The following FBXO11 variants were observed in gnomAD, a reference collection of about 807,000 sequenced individuals.
FBXO11 encodes F-box protein 11, also known as F-box only protein 11.
In FBXO11, 13 loss-of-function variants were observed where a neutral mutation model predicts 117.0. The observed-to-expected ratio is 0.11, with a 90% CI of 0.07 to 0.18. The LOEUF is 0.18. Ranked by LOEUF, FBXO11 falls within the 10% of genes least tolerant of loss-of-function variation. The probability of loss-of-function intolerance (pLI) is 1.00; values close to 1 mark genes in which losing one functional copy is unlikely to be tolerated. For missense variants in FBXO11, 767 were observed against 1,164.4 expected (o/e 0.66, Z 4.97); for synonymous variants, 490 against 380.5 (o/e 1.29, Z -3.35).
chr2:47,899,683 G>A (rs1677952383), intron 1 of FBXO11, among the ~76,000 whole-genome samples: 1 of 151,868 alleles, frequency 6.6e-6, no homozygotes, highest in Non-Finnish European at 1.5e-5. Flanking sequence ...ATTTTCACAG[G>A]GTAGCAACTA....
At position 47,807,794 on chromosome 2, in the gene FBXO11, A is replaced by C; in HGVS notation, c.*324T>G. On this transcript the variant is annotated 3_prime_UTR_variant, in exon 23 of 23. Transcript: ENST00000403359. The stretch of plus-strand genomic sequence containing the variant: ...CTTGTCTATTGAAGATTACTACTGC[A>C]AATTGGACTGCATTCAATGCTAGTT... The C allele has an allele frequency of 3.7e-6, 1 of 270,070 alleles. No individual in the cohort carries two copies. Among genetic ancestry groups the C allele is most frequent in the Non-Finnish European group, 7.1e-6 (1 of 140,350 alleles). The allele number at this position is 270,070 out of a possible 1,614,324, so 16.7% of individuals were successfully genotyped here.
intron 1 of FBXO11, among the ~76,000 whole-genome samples, chr2:47,855,552 G>T (rs1674221203): frequency 6.6e-6 from 1 of 152,194 alleles, no homozygotes; most frequent in Non-Finnish European, 1.5e-5. Context: ...AAAGGAATGT[G>T]GCCAGGTGCA....
chr2:47,851,920 G>C (rs1156904617), intron 1 of FBXO11, among the ~76,000 whole-genome samples: 1 of 151,522 alleles, frequency 6.6e-6, no homozygotes, highest in Non-Finnish European at 1.5e-5. Context: ...AATACAGAAT[G>C]CTTTACAAAT....
intron 1 of FBXO11, among the ~76,000 whole-genome samples, chr2:47,881,077 A>G (rs1676394819): frequency 6.6e-6 from 1 of 152,090 alleles, no homozygotes; most frequent in Non-Finnish European, 1.5e-5. Context: ...ACATGGTGAA[A>G]CCCGTCTCTA....
intron 11 of FBXO11, among the ~76,000 whole-genome samples, chr2:47,829,399 C>G (rs1184163211): frequency 6.6e-6 from 1 of 151,988 alleles, no homozygotes; most frequent in African/African-American, 2.4e-5. Context: ...CACCAACACA[C>G]CCGGCTAATT....
chr2:47,895,122 G>C lies in FBXO11; in HGVS notation c.232+10367C>G, dbSNP rs138352271. Among the ~76,000 whole-genome samples, 896 of 152,130 alleles carry C rather than the reference G, an allele frequency of 5.9e-3. 5 individuals carry two copies. Among genetic ancestry groups the C allele is most frequent in the African/African-American group, 0.021 (854 of 41,474 alleles). ...AATATCAGCAATGATATATGCTGAGGTATAAAACTCACACGGAATGTGGCA... is the reference window on the plus strand; with the variant it reads ...AATATCAGCAATGATATATGCTGAGCTATAAAACTCACACGGAATGTGGCA... On this transcript the variant is annotated intron_variant, in intron 1 of 22. Coordinates refer to ENST00000403359, the MANE Select transcript of FBXO11 (RefSeq NM_001190274.2).
intron 18 of FBXO11, chr2:47,812,933 G>A (rs947093716): frequency 3.2e-6 from 1 of 314,516 alleles, no homozygotes; most frequent in Non-Finnish European, 6.0e-6. Flanking sequence ...ACTTGACTTT[G>A]AAGTTTATTA....
At chr2:47,884,131 A>T (rs940025675) in intron 1 of FBXO11, among the ~76,000 whole-genome samples, 4 of 152,158 alleles carry the variant, frequency 2.6e-5, no homozygotes, top group Non-Finnish European at 4.4e-5. Context: ...AGGCAGCAGA[A>T]TCACTTGAAC....
intron 11 of FBXO11, among the ~76,000 whole-genome samples, chr2:47,827,236 G>GT (rs1182692648): frequency 3.9e-5 from 6 of 152,166 alleles, no homozygotes; most frequent in Non-Finnish European, 7.4e-5. Context: ...TTGACTTATA[G>GT]TTTTATAATT....
In FBXO11 at chr2:47,870,124, T is replaced by A. The variant is rs373348710; in HGVS notation, c.233-30355A>T. On this transcript the variant is annotated intron_variant, in intron 1 of 22. Coordinates refer to ENST00000403359, the MANE Select transcript of FBXO11 (RefSeq NM_001190274.2). ...TCCAGTCAACTGCCTTCGGTGTTCA[T>A]CTGTACCATCAGCTCTCCTGAGTGT... Among the ~76,000 whole-genome samples, 7 of 152,252 alleles carry A rather than the reference T, an allele frequency of 4.6e-5. No homozygotes were observed. The South Asian group carries it at 1.4e-3, about 32-fold the overall frequency.
chr2:47,828,125 G>A (rs1415250716), intron 11 of FBXO11, among the ~76,000 whole-genome samples: 3 of 152,074 alleles, frequency 2.0e-5, no homozygotes, highest in African/African-American at 4.8e-5. Flanking sequence ...GATTATAGGC[G>A]TGTGCCACCA....
chr2:47,827,431 C>T (rs889973395), intron 11 of FBXO11, among the ~76,000 whole-genome samples: 5 of 151,518 alleles, frequency 3.3e-5, no homozygotes, highest in Admixed American at 2.6e-4. Context: ...CTCAGCCTCC[C>T]GAGGAGCTGG....
At chr2:47,902,742 C>G (rs1001474028) in intron 1 of FBXO11, among the ~76,000 whole-genome samples, 1 of 151,972 alleles carries the variant, frequency 6.6e-6, no homozygotes, top group African/African-American at 2.4e-5. Flanking sequence ...ACTAAAGAAC[C>G]TGAAATGCAT....
intron 1 of FBXO11, among the ~76,000 whole-genome samples, chr2:47,854,011 G>C (rs969790510): frequency 2.0e-5 from 3 of 152,152 alleles, no homozygotes; most frequent in African/African-American, 7.2e-5. Context: ...AATGAATACT[G>C]TTCCCTTTAA....
At position 47,889,499 on chromosome 2, in the gene FBXO11, C is replaced by T. The variant is rs541741984; in HGVS notation, c.232+15990G>A. Among the ~76,000 whole-genome samples, 4 of 152,230 alleles carry T rather than the reference C, an allele frequency of 2.6e-5. No homozygotes were observed. In the South Asian group the frequency reaches 8.3e-4, roughly 32 times the overall value. On this transcript the variant is annotated intron_variant, in intron 1 of 22. Coordinates refer to ENST00000403359, the MANE Select transcript of FBXO11 (RefSeq NM_001190274.2). Reference sequence around the variant, plus strand: ...CCTGTAAGATGGTCCGACAACTTATCAAGTGAGTGTGAGATGAGTCAATTA... The same window carrying T: ...CCTGTAAGATGGTCCGACAACTTATTAAGTGAGTGTGAGATGAGTCAATTA...
At chr2:47,817,051 A>G (rs998000380) in intron 16 of FBXO11, among the ~76,000 whole-genome samples, 3 of 152,204 alleles carry the variant, frequency 2.0e-5, no homozygotes, top group African/African-American at 7.2e-5. Flanking sequence ...TCTTCTTCCA[A>G]TATAAAACTA....
At chr2:47,828,915 A>C (rs1312687110) in intron 11 of FBXO11, among the ~76,000 whole-genome samples, 11 of 152,146 alleles carry the variant, frequency 7.2e-5, no homozygotes, top group Non-Finnish European at 1.3e-4. Flanking sequence ...ATATGCCATG[A>C]ATTTTTTTAT....
At chr2:47,851,396 A>C (rs1054722294) in intron 1 of FBXO11, among the ~76,000 whole-genome samples, 5 of 151,846 alleles carry the variant, frequency 3.3e-5, no homozygotes, top group African/African-American at 9.7e-5. Flanking sequence ...ACGCGTGGCT[A>C]ATTTTTGTAT....
At chr2:47,893,806 C>T (rs1220784294) in intron 1 of FBXO11, among the ~76,000 whole-genome samples, 3 of 152,178 alleles carry the variant, frequency 2.0e-5, no homozygotes, top group East Asian at 1.9e-4. Context: ...ACACAAATGT[C>T]ACCCTGAAGC....
Sources: gnomAD v4.1 joint callset for allele counts (sites outside exome capture counted in the v4.1 genomes callset) on GRCh38, gnomAD v4.1.1 for gene constraint, MANE v1.5 for transcripts, NCBI Gene and HGNC (gene_info 2026-07-23, HGNC 2026-07-21) for gene names.